Variants in TESC observed in about 807,000 individuals in gnomAD.
TESC encodes the protein calcineurin B homologous protein 3.
Under a neutral mutation model 31.0 loss-of-function variants are expected in TESC, and 19 were observed. The observed-to-expected ratio is 0.61, with a 90% CI of 0.43 to 0.90. The LOEUF (loss-of-function observed/expected upper bound fraction) is 0.90, where lower values mean the gene tolerates loss of function less well. Among genes scored for constraint, TESC ranks in the 40% least tolerant of loss-of-function variants. TESC has a pLI of 0.00. For synonymous variants in TESC, 109 were observed against 114.8 expected, an observed-to-expected ratio of 0.95 and a Z score of 0.32; for missense variants, 248 against 303.8, an observed-to-expected ratio of 0.82 and a Z score of 1.36.
chr12:117,079,122 A>G (rs747609423), intron 1 of TESC, among the ~76,000 whole-genome samples: 48 of 152,226 alleles, frequency 3.2e-4, no homozygotes, highest in Non-Finnish European at 4.6e-4. Flanking sequence ...TGTCTGGCAG[A>G]AAACATGTAG....
Position 117,091,425 on chromosome 12 carries a change from G to A in TESC, c.58+7800C>T, listed in dbSNP as rs185929908. Reference sequence around the variant, plus strand: ...TCTTACTGGGCCGTATGGCATGTCTGAGAGTTGATTAAATTTCCACGATAC... The same window carrying A: ...TCTTACTGGGCCGTATGGCATGTCTAAGAGTTGATTAAATTTCCACGATAC... On this transcript the variant is annotated intron_variant, in intron 1 of 7. Transcript: ENST00000335209. Among the ~76,000 whole-genome samples, 9 of 152,320 alleles carry A rather than the reference G, an allele frequency of 5.9e-5. No individual in the cohort carries two copies. The East Asian group carries it at 1.7e-3, about 29-fold the overall frequency.
intron 1 of TESC, among the ~76,000 whole-genome samples, chr12:117,092,898 C>A (rs1299820054): frequency 6.6e-6 from 1 of 152,154 alleles, no homozygotes; most frequent in East Asian, 1.9e-4. Context: ...GTTCAGAGAC[C>A]CTAACAAGGG....
chr12:117,046,304 T>C (rs1422800051), intron 6 of TESC, among the ~76,000 whole-genome samples: 1 of 152,150 alleles, frequency 6.6e-6, no homozygotes, highest in African/African-American at 2.4e-5. Context: ...CAGGGGGCTA[T>C]GCAGGTGGGG....
intron 1 of TESC, among the ~76,000 whole-genome samples, chr12:117,082,890 T>A (rs1400116754): frequency 6.6e-6 from 1 of 152,186 alleles, no homozygotes; most frequent in African/African-American, 2.4e-5. Flanking sequence ...GTATTTGGGT[T>A]AAAATTTTTT....
intron 6 of TESC, among the ~76,000 whole-genome samples, chr12:117,044,657 G>T (rs1160873141): frequency 2.0e-5 from 3 of 152,234 alleles, no homozygotes; most frequent in Non-Finnish European, 4.4e-5. Context: ...CAGCACTTTG[G>T]GAGACCAAGG....
chr12:117,091,028 G>A (rs778432224), intron 1 of TESC, among the ~76,000 whole-genome samples: 5 of 152,334 alleles, frequency 3.3e-5, no homozygotes, highest in African/African-American at 9.6e-5. Context: ...TGCCAAGAAC[G>A]GAAGGCTTGC....
rs1565971545 is a variant in TESC at position 117,075,897 on chromosome 12, A to ATGTGTGTG, written c.59-558_59-557insCACACACA. Among the ~76,000 whole-genome samples, 13 of 66,396 alleles carry ATGTGTGTG rather than the reference A, an allele frequency of 2.0e-4. 1 individual carries two copies. The highest frequency in any genetic ancestry group is 9.3e-4 in the African/African-American group (11 of 11,840). The allele number at this position is 66,396 out of a possible 152,430, so 43.6% of individuals were successfully genotyped here. A position where few individuals can be genotyped will look rare whatever the true frequency, so the allele number is the denominator to read the frequency against. On this transcript the variant is annotated intron_variant, in intron 1 of 7. Transcript: ENST00000335209. ...TGTGTATATATATATATATATATAT[A>ATGTGTGTG]TATATATATATATATATGTGTGTGT...
At chr12:117,054,184 C>A (rs1212680991) in intron 3 of TESC, among the ~76,000 whole-genome samples, 3 of 152,060 alleles carry the variant, frequency 2.0e-5, no homozygotes, top group Non-Finnish European at 4.4e-5. Context: ...TCCCCAGATC[C>A]TCGGGGCACC....
intron 2 of TESC, among the ~76,000 whole-genome samples, chr12:117,074,532 C>T (rs564416623): frequency 1.3e-4 from 20 of 152,238 alleles, no homozygotes; most frequent in Middle Eastern, 6.8e-3. Flanking sequence ...CCCCATCTTG[C>T]CTGAGGCCAG....
chr12:117,096,550 C>T (rs988199319), intron 1 of TESC, among the ~76,000 whole-genome samples: 1 of 151,572 alleles, frequency 6.6e-6, no homozygotes, highest in Admixed American at 6.6e-5. Context: ...TGGCTCGGAG[C>T]GACCAGGACA....
intron 1 of TESC, among the ~76,000 whole-genome samples, chr12:117,075,889 A>ATGTGTGTGTG (rs1565971512): frequency 1.4e-5 from 1 of 71,816 alleles, no homozygotes; most frequent in Non-Finnish European, 2.6e-5. Context: ...ATATATATAT[A>ATGTGTGTGTG]TATATATATA....
intron 3 of TESC, among the ~76,000 whole-genome samples, chr12:117,051,292 C>G (rs997195515): frequency 3.3e-5 from 5 of 152,218 alleles, no homozygotes; most frequent in Non-Finnish European, 7.3e-5. Context: ...ACGACAGCCT[C>G]TAAGTGTCCT....
chr12:117,097,070 C>G (rs1417591350), intron 1 of TESC, among the ~76,000 whole-genome samples: 5 of 152,230 alleles, frequency 3.3e-5, no homozygotes, highest in Non-Finnish European at 7.3e-5. Context: ...GAACAGCAGC[C>G]TCTCCGAGTC....
At chr12:117,076,710 C>T (rs1451567553) in intron 1 of TESC, among the ~76,000 whole-genome samples, 2 of 152,210 alleles carry the variant, frequency 1.3e-5, no homozygotes. Context: ...TCCCAAAGTG[C>T]TGGGATTACA....
chr12:117,039,933 C>T (rs1446351603), intron 7 of TESC, among the ~76,000 whole-genome samples: 1 of 152,276 alleles, frequency 6.6e-6, no homozygotes, highest in Non-Finnish European at 1.5e-5. Flanking sequence ...CCGCCAGCGC[C>T]TTAGCAAGTC....
At chr12:117,091,109 C>T (rs938264474) in intron 1 of TESC, among the ~76,000 whole-genome samples, 1 of 152,190 alleles carries the variant, frequency 6.6e-6, no homozygotes, top group Non-Finnish European at 1.5e-5. Context: ...CCTAGTGCTC[C>T]GTGGCCACCA....
At position 117,046,790 on chromosome 12, in the gene TESC, TC is replaced by T; in HGVS notation, c.397del (p.Glu133LysfsTer30). The T allele has an allele frequency of 6.4e-7, 1 of 1,566,056 alleles. No individual in the cohort carries two copies. Among genetic ancestry groups the T allele is most frequent in the East Asian group, 2.3e-5 (1 of 42,554 alleles). ...DSDSDGRITLEEYRNVVEELL... is the reference protein window; with the variant it reads ...DSDSDGRITLXEYRNVVEELL... ...AGCATACTTTACATTTCGATATTCT[TC>T]CAGAGTGATGCGGCCGTCGCTGTCC... On this transcript the variant is annotated frameshift_variant, in exon 5 of 8. Transcript: ENST00000335209. LOFTEE classifies it high-confidence loss of function.
At chr12:117,094,866 A>C (rs1955368950) in intron 1 of TESC, among the ~76,000 whole-genome samples, 1 of 151,616 alleles carries the variant, frequency 6.6e-6, no homozygotes, top group South Asian at 2.1e-4. Context: ...AAATACAAAA[A>C]TTAGCCGAGC....
At chr12:117,075,245 G>C in intron 2 of TESC, 26 bp downstream of exon 2, 1 of 1,611,118 alleles carries the variant, frequency 6.2e-7, no homozygotes, top group Non-Finnish European at 8.5e-7. Context: ...GCCCCACCCA[G>C]CACCCAAACC....
Sources: gnomAD v4.1 joint callset for allele counts (sites outside exome capture counted in the v4.1 genomes callset) on GRCh38, gnomAD v4.1.1 for gene constraint, MANE v1.5 for transcripts, NCBI Gene and HGNC (gene_info 2026-07-23, HGNC 2026-07-21) for gene names.